The following ANKRD27 variants were observed in gnomAD, a reference collection of about 807,000 sequenced individuals.
The protein encoded by ANKRD27 is ankyrin repeat domain-containing protein 27.
In ANKRD27, 112 loss-of-function variants were observed where a neutral mutation model predicts 129.7. The observed-to-expected ratio is 0.86, with a 90% CI of 0.74 to 1.01. ANKRD27 has a LOEUF of 1.01. ANKRD27 is among the 50% of genes least tolerant of loss of function. The pLI is 0.00. For synonymous variants in ANKRD27, 516 were observed against 511.2 expected (o/e 1.01, Z -0.13); for missense variants, 1,258 against 1,300.5 (o/e 0.97, Z 0.50).
intron 20 of ANKRD27, 61 bp from the exon 21 acceptor site, chr19:32,617,694 T>C: frequency 3.1e-6 from 2 of 651,106 alleles, no homozygotes; most frequent in South Asian, 3.7e-5. Context: ...ATAATAGAAA[T>C]AATATAAACA....
chr19:32,623,855 G>A (rs541430747), intron 17 of ANKRD27, among the ~76,000 whole-genome samples: 1 of 152,086 alleles, frequency 6.6e-6, no homozygotes, highest in South Asian at 2.1e-4. Flanking sequence ...CCAGCCGAGA[G>A]AGACTGTTTG....
At chr19:32,653,082 C>A (rs142444918) in intron 2 of ANKRD27, among the ~76,000 whole-genome samples, 1,923 of 152,294 alleles carry the variant, frequency 0.013, 53 homozygotes, top group African/African-American at 0.044. Context: ...CTCTGGCCTG[C>A]AAATGGCCTG....
chr19:32,632,525 C>T (rs911532230), intron 12 of ANKRD27, among the ~76,000 whole-genome samples: 17 of 136,352 alleles, frequency 1.2e-4, no homozygotes, highest in African/African-American at 3.9e-4. Context: ...GTGGAGGTTG[C>T]GGTGAGCCAA....
chr19:32,660,750 A>G (rs569156914), intron 1 of ANKRD27, among the ~76,000 whole-genome samples: 2 of 152,266 alleles, frequency 1.3e-5, no homozygotes, highest in African/African-American at 4.8e-5. Flanking sequence ...GTATAAAGCC[A>G]TATCCCACTG....
intron 22 of ANKRD27, among the ~76,000 whole-genome samples, chr19:32,608,816 G>A (rs1030848275): frequency 1.3e-5 from 2 of 152,042 alleles, no homozygotes; most frequent in African/African-American, 2.4e-5. Context: ...CCCAGGTGTG[G>A]CGGCACCTGC....
chr19:32,656,116 A>AAG lies in ANKRD27; in HGVS notation c.102+2797_102+2798insCT, dbSNP rs1599770429. Reference sequence around the variant, plus strand: ...GAAAGAAAGAAAGAAAGAAAAGAAAAGAAAAGAAAAGAAAAGAAAAGAAAA... The same window carrying AAG: ...GAAAGAAAGAAAGAAAGAAAAGAAAAAGGAAAAGAAAAGAAAAGAAAAGAAAA... On this transcript the variant is annotated intron_variant, in intron 2 of 28. Coordinates refer to ENST00000306065, the MANE Select transcript of ANKRD27 (RefSeq NM_032139.3). Among the ~76,000 whole-genome samples the AAG allele has an allele frequency of 2.6e-5, 3 of 116,368 alleles. No individual in the cohort carries two copies. The East Asian group carries it at 8.4e-4, about 33-fold the overall frequency. 76.3% of individuals were successfully genotyped at this position (116,368 alleles called of 152,430 possible).
chr19:32,606,551 T>C (rs1411663267), intron 23 of ANKRD27, among the ~76,000 whole-genome samples: 1 of 33,706 alleles, frequency 3.0e-5, no homozygotes, highest in Non-Finnish European at 1.2e-4. Context: ...CTCTGTGCGG[T>C]TGAAGCGCAG....
chr19:32,611,356 C>T (rs184532389), intron 22 of ANKRD27, among the ~76,000 whole-genome samples: 6 of 152,228 alleles, frequency 3.9e-5, no homozygotes, highest in East Asian at 1.9e-4. Flanking sequence ...CCACCCACCT[C>T]GGGGAAATTG....
chr19:32,669,715 T>C (rs1040466850), intron 1 of ANKRD27, among the ~76,000 whole-genome samples: 1 of 151,758 alleles, frequency 6.6e-6, no homozygotes, highest in African/African-American at 2.4e-5. Flanking sequence ...AAAACAGCAG[T>C]GGTCGGGCGT....
At chr19:32,611,107 A>G (rs1599737703) in intron 22 of ANKRD27, among the ~76,000 whole-genome samples, 5 of 152,338 alleles carry the variant, frequency 3.3e-5, no homozygotes, top group African/African-American at 1.2e-4. Context: ...AGAAATCACA[A>G]AAAGAGAATA....
chr19:32,618,050 G>A (rs1484426537), intron 20 of ANKRD27, among the ~76,000 whole-genome samples: 1 of 152,030 alleles, frequency 6.6e-6, no homozygotes, highest in African/African-American at 2.4e-5. Context: ...GAGCCACCAC[G>A]CCCGGCTGAT....
chr19:32,673,549 C>T (rs1243486000), intron 1 of ANKRD27: 2 of 626,414 alleles, frequency 3.2e-6, no homozygotes, highest in Non-Finnish European at 2.0e-6. Flanking sequence ...AGCTTCCTCA[C>T]CCTCTGCTGT....
Position 32,598,159 on chromosome 19 carries a change from C to T in ANKRD27, c.3139G>A (p.Ala1047Thr). ...GPLSTPQEVSASRS is the reference protein window; with the variant it reads ...GPLSTPQEVSTSRS ...CCTCATTCCTGTTAGGACCGGGAAG[C>T]ACTAACCTCTTGGGGAGTGGAGAGG... is the stretch of plus-strand genomic sequence containing the variant. Residue 1047 changes from alanine (A) to threonine (T), a missense_variant, in exon 29 of 29, where the codon GCT (alanine) becomes ACT (threonine). Ala to Thr is a moderately conservative substitution (Grantham distance 58). Coordinates refer to ENST00000306065, the MANE Select transcript of ANKRD27 (RefSeq NM_032139.3). The T allele has an allele frequency of 2.5e-6, 4 of 1,614,116 alleles. No homozygotes were observed. Among genetic ancestry groups the T allele is most frequent in the Non-Finnish European group, 3.4e-6 (4 of 1,180,002 alleles).
intron 2 of ANKRD27, among the ~76,000 whole-genome samples, chr19:32,651,312 C>T (rs1599766607): frequency 6.6e-6 from 1 of 152,226 alleles, no homozygotes; most frequent in South Asian, 2.1e-4. Flanking sequence ...GAAGGACTCA[C>T]ACCATCCCAT....
At position 32,628,943 on chromosome 19, in the gene ANKRD27, T is replaced by C. The variant is rs1966940825; in HGVS notation, c.1210-94A>G. The C allele has an allele frequency of 2.1e-6, 3 of 1,421,238 alleles. No individual in the cohort carries two copies. In the East Asian group the frequency reaches 7.4e-5, roughly 35 times the overall value. The allele number at this position is 1,421,238 out of a possible 1,614,324, so 88.0% of individuals were successfully genotyped here. ...AGAGTCCTTTTTGGTTTTTTTGAGA[T>C]GGAGTCTCGTCCTGTCGCCCAGGCT... is the stretch of plus-strand genomic sequence containing the variant. On this transcript the variant is annotated intron_variant, in intron 13 of 28. Transcript: ENST00000306065.
intron 11 of ANKRD27, among the ~76,000 whole-genome samples, chr19:32,639,732 A>C (rs1445446141): frequency 6.6e-6 from 1 of 152,194 alleles, no homozygotes; most frequent in Non-Finnish European, 1.5e-5. Flanking sequence ...TGTGGGTTCC[A>C]GGGGAGAGAT....
At chr19:32,602,559 G>A (rs888534655) in intron 25 of ANKRD27, among the ~76,000 whole-genome samples, 2 of 152,080 alleles carry the variant, frequency 1.3e-5, no homozygotes, top group Non-Finnish European at 2.9e-5. Flanking sequence ...AGGTGTTCAA[G>A]ACTAGCCTGG....
intron 26 of ANKRD27, among the ~76,000 whole-genome samples, chr19:32,601,407 T>C (rs373402376): frequency 4.6e-5 from 7 of 151,972 alleles, no homozygotes; most frequent in East Asian, 1.9e-4. Flanking sequence ...CCATCCTGGC[T>C]AACACGGTGA....
At chr19:32,662,275 C>T (rs1027174361) in intron 1 of ANKRD27, among the ~76,000 whole-genome samples, 1 of 128,502 alleles carries the variant, frequency 7.8e-6, no homozygotes, top group Non-Finnish European at 1.6e-5. Flanking sequence ...CCTGCCACTG[C>T]ACTCCAGCTT....
Sources: allele counts gnomAD v4.1 joint callset (sites outside exome capture counted in the v4.1 genomes callset), GRCh38; gene constraint gnomAD v4.1.1; transcripts MANE v1.5; gene names NCBI Gene and HGNC (gene_info 2026-07-23, HGNC 2026-07-21).